Variants in XRCC5 observed in about 807,000 individuals in gnomAD.
XRCC5 encodes the protein DNA repair protein Ku80.
A neutral mutation model predicts 95.7 loss-of-function variants in XRCC5; 12 were observed. The ratio of observed to expected loss-of-function variants is 0.13; its 90% CI spans 0.08 to 0.20. The LOEUF (loss-of-function observed/expected upper bound fraction) is 0.20. XRCC5 is among the 10% of genes least tolerant of loss of function. The pLI is 1.00. For synonymous variants in XRCC5, 281 were observed against 290.3 expected (o/e 0.97, Z 0.33); for missense variants, 595 against 873.9 (o/e 0.68, Z 4.02).
chr2:216,205,249 C>A lies in XRCC5; in HGVS notation c.*47C>A, dbSNP rs1319947534. 6.2e-7 allele frequency: 1 copy of A among 1,613,132 alleles called. No homozygotes were observed. Among genetic ancestry groups the A allele is most frequent in the East Asian group, 2.2e-5 (1 of 44,876 alleles). ...TAAGAGAGCTGCCATCGCTGTGATGCTGGGAGTTCTAACAAAACAAGTTGG... is the reference window on the plus strand; with the variant it reads ...TAAGAGAGCTGCCATCGCTGTGATGATGGGAGTTCTAACAAAACAAGTTGG... On this transcript the variant is annotated 3_prime_UTR_variant, in exon 21 of 21. Transcript: ENST00000392132.
intron 18 of XRCC5, among the ~76,000 whole-genome samples, chr2:216,194,280 T>G (rs41296755): frequency 0.11 from 16,239 of 152,252 alleles, 919 homozygotes; most frequent in South Asian, 0.17. Flanking sequence ...TACTTTTGTT[T>G]CACTTAAAGT....
At chr2:216,178,011 C>T (rs963634884) in intron 16 of XRCC5, among the ~76,000 whole-genome samples, 27 of 152,016 alleles carry the variant, frequency 1.8e-4, no homozygotes, top group African/African-American at 6.0e-4. Flanking sequence ...TTTCTAAGGG[C>T]CTTTTTCACC....
intron 16 of XRCC5, among the ~76,000 whole-genome samples, chr2:216,164,141 G>A (rs1049221943): frequency 2.6e-5 from 4 of 152,194 alleles, no homozygotes; most frequent in Non-Finnish European, 5.9e-5. Flanking sequence ...AAGTGGCGGA[G>A]ATGCTGCTGT....
intron 3 of XRCC5, chr2:216,117,116 A>AT: frequency 2.4e-6 from 1 of 422,178 alleles, no homozygotes. Context: ...CCTAGGGAGT[A>AT]TATGTGAGCA....
intron 17 of XRCC5, among the ~76,000 whole-genome samples, chr2:216,191,206 G>A (rs1689606849): frequency 6.6e-6 from 1 of 152,152 alleles, no homozygotes. Flanking sequence ...GAAAGAGATA[G>A]TAAAAGTGTA....
chr2:216,129,858 A>G (rs1238528006), intron 8 of XRCC5, among the ~76,000 whole-genome samples: 1 of 151,954 alleles, frequency 6.6e-6, no homozygotes, highest in Non-Finnish European at 1.5e-5. Flanking sequence ...TTGTATTTTT[A>G]GTAGAGACAG....
chr2:216,135,711 A>AGCC (rs1325875685), intron 10 of XRCC5, among the ~76,000 whole-genome samples: 7 of 151,844 alleles, frequency 4.6e-5, no homozygotes. Context: ...AGGCACAAAC[A>AGCC]TTGCTTGAAC....
chr2:216,141,467 C>T, intron 13 of XRCC5, 148 bp downstream of exon 13: 2 of 606,514 alleles, frequency 3.3e-6, no homozygotes, highest in Middle Eastern at 3.2e-4. Flanking sequence ...ACATCTTCCT[C>T]TCCTACTTCA....
At chr2:216,141,003 C>A (rs998179161) in intron 12 of XRCC5, among the ~76,000 whole-genome samples, 183 bp from the exon 13 acceptor site, 2 of 152,170 alleles carry the variant, frequency 1.3e-5, no homozygotes, top group African/African-American at 4.8e-5. Context: ...CACTCTAAAT[C>A]GATCTTTTCA....
chr2:216,145,968 C>T (rs976937990), intron 13 of XRCC5, among the ~76,000 whole-genome samples: 1 of 152,036 alleles, frequency 6.6e-6, no homozygotes, highest in Non-Finnish European at 1.5e-5. Flanking sequence ...TTTTAATGAA[C>T]CAAGGGAGAG....
intron 19 of XRCC5, among the ~76,000 whole-genome samples, chr2:216,200,797 G>GTACATGTAGTA (rs1363992615): frequency 2.2e-4 from 34 of 152,172 alleles, no homozygotes; most frequent in African/African-American, 7.9e-4. Flanking sequence ...TCAATTATGT[G>GTACATGTAGTA]ATTATAGCTA....
rs1689924881 is a variant in XRCC5, at chr2:216,205,363, C to T, written c.*161C>T. ...CATCTAATTCTCTGTGGAATGAATA[C>T]ACACATATATATTACAAGGGATAAT... On this transcript the variant is annotated 3_prime_UTR_variant, in exon 21 of 21. Transcript: ENST00000392132. The T allele has an allele frequency of 1.3e-6, 1 of 770,878 alleles. No homozygotes were observed. The highest frequency in any genetic ancestry group is 2.3e-6 in the Non-Finnish European group (1 of 435,424). The allele number at this position is 770,878 out of a possible 1,614,324, so 47.8% of individuals were successfully genotyped here.
chr2:216,174,118 C>A (rs571589369), intron 16 of XRCC5, among the ~76,000 whole-genome samples: 130 of 152,152 alleles, frequency 8.5e-4, no homozygotes, highest in African/African-American at 3.0e-3. Flanking sequence ...ATATAATTTA[C>A]CAGTGAAGCC....
chr2:216,140,281 A>G (rs1697151331), intron 12 of XRCC5, among the ~76,000 whole-genome samples: 2 of 152,240 alleles, frequency 1.3e-5, no homozygotes. Context: ...ATAGAAGTAT[A>G]ATGTACTTTT....
chr2:216,132,462 CTT>C, intron 10 of XRCC5, 75 bp downstream of exon 10: 1 of 1,437,068 alleles, frequency 7.0e-7, no homozygotes, highest in Non-Finnish European at 9.8e-7. Context: ...TTGTTTGGGG[CTT>C]TTATAGTTTA....
At chr2:216,140,922 T>C (rs1306078307) in intron 12 of XRCC5, among the ~76,000 whole-genome samples, 2 of 152,246 alleles carry the variant, frequency 1.3e-5, no homozygotes, top group Admixed American at 1.3e-4. Context: ...AAACAAACTT[T>C]CTTGCTTTTG....
chr2:216,174,938 C>T (rs187845936), intron 16 of XRCC5: 117 of 336,986 alleles, frequency 3.5e-4, no homozygotes, highest in Non-Finnish European at 5.4e-4. Flanking sequence ...CCGCCAGATC[C>T]GTAACCACCA....
At chr2:216,204,177 A>G in intron 19 of XRCC5, 145 bp from the exon 20 acceptor site, 1 of 882,092 alleles carries the variant, frequency 1.1e-6, no homozygotes, top group Non-Finnish European at 1.8e-6. Flanking sequence ...AGCGTATGCC[A>G]GGATGATGTT....
chr2:216,161,915 T>C (rs761784880), intron 15 of XRCC5, 64 bp from the exon 16 acceptor site: 1 of 1,385,912 alleles, frequency 7.2e-7, no homozygotes, highest in Non-Finnish European at 1.0e-6. Context: ...CCATCTTGTA[T>C]TGCCTGGGGT....
Sources: gnomAD v4.1 joint callset for allele counts (sites outside exome capture counted in the v4.1 genomes callset) on GRCh38, gnomAD v4.1.1 for gene constraint, MANE v1.5 for transcripts, NCBI Gene and HGNC (gene_info 2026-07-23, HGNC 2026-07-21) for gene names.